SLC19A1: variants seen among roughly 807,000 people sequenced by gnomAD.
SLC19A1 encodes the protein reduced folate transporter.
A neutral mutation model predicts 35.3 loss-of-function variants in SLC19A1; 37 were observed. The ratio of observed to expected loss-of-function variants is 1.05; its 90% CI spans 0.81 to 1.38. The LOEUF is 1.38. Among genes scored for constraint, SLC19A1 ranks in the 40% most tolerant of loss-of-function variants. The pLI, the probability that SLC19A1 is intolerant of heterozygous loss-of-function variation, is 0.00. For synonymous variants in SLC19A1, 460 were observed against 398.5 expected (o/e 1.15, Z -1.84); for missense variants, 831 against 826.9 (o/e 1.00, Z -0.06).
At chr21:45,524,023 GAC>G (rs1476203502) in intron 5 of SLC19A1, among the ~76,000 whole-genome samples, 1 of 152,178 alleles carries the variant, frequency 6.6e-6, no homozygotes, top group Non-Finnish European at 1.5e-5. Context: ...GCCGGGCCTG[GAC>G]ACATTCACCC....
intron 4 of SLC19A1, among the ~76,000 whole-genome samples, chr21:45,529,195 G>A (rs978164550): frequency 2.6e-5 from 4 of 152,236 alleles, no homozygotes; most frequent in Non-Finnish European, 5.9e-5. Flanking sequence ...AGAAGGGTGG[G>A]CCGGGCTGCC....
upstream of SLC19A1, among the ~76,000 whole-genome samples, chr21:45,548,401 G>A (rs941303107): frequency 2.6e-5 from 4 of 152,204 alleles, no homozygotes; most frequent in African/African-American, 4.8e-5. Flanking sequence ...ATCCAGACAC[G>A]TAAGTGACGC....
chr21:45,511,054 CCACACCCATCCACACCCCCACACACCACA>C, downstream of SLC19A1: 1 of 662,336 alleles, frequency 1.5e-6, no homozygotes, highest in Non-Finnish European at 2.5e-6. Context: ...CCACAAACAC[CCACACCCATCCACACCCCCACACACCACA>C]CACACATACA....
chr21:45,532,161 G>A lies in SLC19A1; in HGVS notation c.190-13C>T. The A allele has an allele frequency of 6.4e-7, 1 of 1,574,012 alleles. No homozygotes were observed. Among genetic ancestry groups the A allele is most frequent in the East Asian group, 2.3e-5 (1 of 44,376 alleles). ...TCTCGTTCGTGACCTGCGGACAGGCGGGCGTGCGCCCCACCAGGTGTTAGC... is the reference window on the plus strand; with the variant it reads ...TCTCGTTCGTGACCTGCGGACAGGCAGGCGTGCGCCCCACCAGGTGTTAGC... On this transcript the variant is annotated splice_polypyrimidine_tract_variant and intron_variant, in intron 2 of 5. Coordinates refer to ENST00000311124, the MANE Select transcript of SLC19A1 (RefSeq NM_194255.4).
At position 45,504,536 on chromosome 21, in the gene SLC19A1, C is replaced by T. The variant is rs757436263; in HGVS notation, c.498-5924G>A. 23 of 1,577,804 alleles carry T rather than the reference C, an allele frequency of 1.5e-5. No homozygotes were observed. The highest frequency in any genetic ancestry group is 1.8e-5 in the Admixed American group (1 of 54,916). On this transcript the variant is annotated intron_variant, in intron 3 of 4. Transcript: ENST00000417954. ...CGGCCCCCCAGGCCCCCCAGGCCCA[C>T]GTGGCTACCCTGGGATTCCAGTAAG...
chr21:45,504,756 G>A (rs563460482), intron 3 of SLC19A1, among the ~76,000 whole-genome samples: 27 of 152,178 alleles, frequency 1.8e-4, no homozygotes, highest in South Asian at 8.3e-4. Context: ...GACACCCCCC[G>A]TCCCCCTGCA....
chr21:45,516,434 C>A (rs2037947248), intron 5 of SLC19A1, among the ~76,000 whole-genome samples: 1 of 152,222 alleles, frequency 6.6e-6, no homozygotes, highest in Admixed American at 6.5e-5. Context: ...GCTCCCGAGT[C>A]CCCTGCTTGG....
At chr21:45,532,473 G>A (rs945908823) in intron 2 of SLC19A1, among the ~76,000 whole-genome samples, 2 of 152,118 alleles carry the variant, frequency 1.3e-5, no homozygotes, top group African/African-American at 2.4e-5. Context: ...TTGCTCTGTC[G>A]CCCAGGCTGG....
chr21:45,521,790 G>A (rs575250023), intron 5 of SLC19A1, among the ~76,000 whole-genome samples: 4 of 152,092 alleles, frequency 2.6e-5, no homozygotes, highest in South Asian at 4.2e-4. Flanking sequence ...AATGATGCTG[G>A]AATAAATGGA....
chr21:45,504,396 A>G, intron 3 of SLC19A1: 2 of 1,609,098 alleles, frequency 1.2e-6, no homozygotes, highest in Non-Finnish European at 1.7e-6. Context: ...CTCCCGTGTA[A>G]CAAGTGTTTC....
chr21:45,506,145 G>T (rs1192554844), intron 3 of SLC19A1: 6 of 939,464 alleles, frequency 6.4e-6, no homozygotes, highest in Non-Finnish European at 9.6e-6. Flanking sequence ...GCAGTTTTGG[G>T]TTTAAAGAAA....
chr21:45,562,360 T>C (rs1012622740), intron 1 of SLC19A1, among the ~76,000 whole-genome samples: 1 of 152,086 alleles, frequency 6.6e-6, no homozygotes, highest in Non-Finnish European at 1.5e-5. Context: ...CTACGGAACA[T>C]TTGTGACTGT....
intron 5 of SLC19A1, among the ~76,000 whole-genome samples, chr21:45,516,428 C>T (rs1165023864): frequency 6.6e-6 from 1 of 152,222 alleles, no homozygotes; most frequent in Non-Finnish European, 1.5e-5. Context: ...GTGTCTGCTC[C>T]CGAGTCCCCT....
At chr21:45,502,529 G>A (rs1309633767) in intron 3 of SLC19A1, 1 of 152,216 alleles carries the variant, frequency 6.6e-6, no homozygotes, top group African/African-American at 2.4e-5. Context: ...AAGAGAAATT[G>A]CGTATGTTTT....
Position 45,515,529 on chromosome 21 carries a change from G to A in SLC19A1, c.*129C>T. ...CCGCCAGAGTGCGGCACAGGGCAGG[G>A]GGAATCCTAGGGGGCCTGCTAGCAG... On this transcript the variant is annotated 3_prime_UTR_variant, in exon 6 of 6. Transcript: ENST00000311124. 6.5e-7 allele frequency: 1 copy of A among 1,531,104 alleles called. No homozygotes were observed. Among genetic ancestry groups the A allele is most frequent in the Non-Finnish European group, 8.7e-7 (1 of 1,153,214 alleles). 94.8% of individuals were successfully genotyped at this position (1,531,104 alleles called of 1,614,324 possible).
chr21:45,538,535 G>A (rs568228469), intron 1 of SLC19A1, among the ~76,000 whole-genome samples: 13 of 152,320 alleles, frequency 8.5e-5, no homozygotes, highest in South Asian at 6.2e-4. Context: ...GGTGGCCAGC[G>A]GCGGGTGGCT....
chr21:45,529,138 C>T (rs1026027567), intron 4 of SLC19A1, among the ~76,000 whole-genome samples: 24 of 152,112 alleles, frequency 1.6e-4, no homozygotes, highest in African/African-American at 4.8e-4. Context: ...CTGGAGAAGG[C>T]GGCCACACAG....
Position 45,537,781 on chromosome 21 carries a change from G to A in SLC19A1, c.179C>T (p.Thr60Met), listed in dbSNP as rs777011514. The change falls in exon 2 of 6, where the codon ACG (threonine) becomes ATG (methionine). Residue 60 changes from threonine (T) to methionine (M), a missense_variant. Thr to Met is a moderately conservative substitution (Grantham distance 81). Coordinates refer to ENST00000311124, the MANE Select transcript of SLC19A1 (RefSeq NM_194255.4). ...CCGGCACCCACATGCCTGCTCCCGC[G>A]TGAAGTTCTTGTCGGGCCCCAGGAG... ...PYLLGPDKNF[T>M]REQVTNEITP... 24 of 1,220,432 alleles carry A rather than the reference G, an allele frequency of 2.0e-5. No homozygotes were observed. Among genetic ancestry groups the A allele is most frequent in the Middle Eastern group, 2.5e-4 (1 of 3,996 alleles). 75.6% of individuals were successfully genotyped at this position (1,220,432 alleles called of 1,614,324 possible).
downstream of SLC19A1, chr21:45,511,159 G>A (rs1263262981): frequency 6.2e-7 from 1 of 1,600,898 alleles, no homozygotes; most frequent in South Asian, 1.1e-5. Context: ...AGGCTCTGAG[G>A]GTCCGCTGAA....
Sources: gnomAD v4.1 joint callset for allele counts (sites outside exome capture counted in the v4.1 genomes callset) on GRCh38, gnomAD v4.1.1 for gene constraint, MANE v1.5 for transcripts, NCBI Gene and HGNC (gene_info 2026-07-23, HGNC 2026-07-21) for gene names.